Variants in MZT2B observed in about 807,000 individuals in gnomAD.
The protein encoded by MZT2B is mitotic-spindle organizing protein 2B.
A neutral mutation model predicts 12.1 loss-of-function variants in MZT2B; 11 were observed. That is an observed-to-expected ratio of 0.91 (90% CI 0.57 to 1.50). MZT2B has a LOEUF of 1.50. Among genes scored for constraint, MZT2B ranks in the 40% most tolerant of loss-of-function variants. The pLI is 0.00. For synonymous variants in MZT2B, 85 were observed against 109.5 expected (o/e 0.78, Z 1.40); for missense variants, 209 against 227.7 (o/e 0.92, Z 0.53).
the MZT2B span, chr2:130,198,364 G>A: frequency 2.7e-5 from 36 of 1,356,466 alleles, 10 homozygotes; most frequent in African/African-American, 2.8e-4. Context: ...TTACCATGGC[G>A]AACTCCGCTG....
the MZT2B span, among the ~76,000 whole-genome samples, chr2:130,199,490 C>T: frequency 2.0e-4 from 24 of 122,234 alleles, 8 homozygotes; most frequent in African/African-American, 5.9e-4. Context: ...GCAGAGGTTA[C>T]AGTGAGCTGA....
At position 130,182,354 on chromosome 2, in the gene MZT2B, G is replaced by A. The variant is rs1296290910; in HGVS notation, c.72G>A (p.Lys24=). The A allele has an allele frequency of 2.0e-6, 3 of 1,537,428 alleles. No homozygotes were observed. In the Admixed American group the frequency reaches 5.9e-5, roughly 30 times the overall value. Residue 24 remains lysine (K), a synonymous_variant, in exon 1 of 3, where the codon AAG becomes AAA. Transcript: ENST00000281871. Reference sequence around the variant, plus strand: ...CGGGGCTGGAGGCGGCCCGGCAGAAGCTGGCGCTGCGGCGGAAGAAGGTGC... The same window carrying A: ...CGGGGCTGGAGGCGGCCCGGCAGAAACTGGCGCTGCGGCGGAAGAAGGTGC... ...APPGLEAARQ[K]LALRRKKVLS...
chr2:130,198,437 A>C, the MZT2B span: 141 of 1,345,036 alleles, frequency 1.0e-4, 37 homozygotes, highest in East Asian at 3.7e-3. Flanking sequence ...GCCCAACTGC[A>C]ATGACCTGCC....
chr2:130,196,465 G>T, the MZT2B span: 3 of 1,502,076 alleles, frequency 2.0e-6, no homozygotes, highest in African/African-American at 2.8e-5. Flanking sequence ...TTTATATAGT[G>T]CTTCAGTATC....
At chr2:130,193,606 CA>C (rs34918027), downstream of MZT2B, among the ~76,000 whole-genome samples, 41,492 of 95,098 alleles carry the variant, frequency 0.44, 6,200 homozygotes, top group East Asian at 0.5. Flanking sequence ...AAGACTGTCT[CA>C]AAAAAAAAAA....
the MZT2B span, among the ~76,000 whole-genome samples, chr2:130,198,928 G>A: frequency 1.6e-5 from 2 of 124,090 alleles, 1 homozygote; most frequent in Non-Finnish European, 3.6e-5. Context: ...GGGAGAAAAC[G>A]GGCCGGGCGC....
At chr2:130,191,320 G>A (rs938696829), downstream of MZT2B, among the ~76,000 whole-genome samples, 4 of 152,086 alleles carry the variant, frequency 2.6e-5, no homozygotes, top group Non-Finnish European at 4.4e-5. Context: ...ACCTTCTGTG[G>A]GTCACGAATG....
chr2:130,194,925 G>A (rs1809107), downstream of MZT2B, among the ~76,000 whole-genome samples: 61,989 of 151,974 alleles, frequency 0.41, 12,838 homozygotes, highest in Admixed American at 0.48. Flanking sequence ...TAATCCACCT[G>A]CTTTAGCCTC....
the MZT2B span, among the ~76,000 whole-genome samples, chr2:130,202,939 C>T: frequency 6.6e-6 from 1 of 152,168 alleles, no homozygotes; most frequent in Non-Finnish European, 1.5e-5. Context: ...GGCTGATTCC[C>T]CCATAACTCC....
In MZT2B at chr2:130,183,619, C is replaced by T. The variant is rs543109871; in HGVS notation, c.319+844C>T. 3.0e-5 allele frequency: 35 copies of T among 1,171,494 alleles called. 1 individual carries two copies. The African/African-American group carries it at 3.8e-4, about 13-fold the overall frequency. 72.6% of individuals were successfully genotyped at this position (1,171,494 alleles called of 1,614,324 possible). On this transcript the variant is annotated intron_variant, in intron 2 of 2. Transcript: ENST00000281871. ...CCCTGCCTGGAAGCACGAGGAGACC[C>T]GCACAGGCATCCTGAGAAGGCGTGG...
chr2:130,185,084 C>T (rs1573761406), intron 2 of MZT2B, among the ~76,000 whole-genome samples: 3 of 152,096 alleles, frequency 2.0e-5, no homozygotes, highest in Admixed American at 6.5e-5. Context: ...CCGAGGCGGG[C>T]GGATCTCGAG....
upstream of MZT2B, chr2:130,181,808 C>T (rs192840659): frequency 2.4e-3 from 3,748 of 1,546,024 alleles, 24 homozygotes; most frequent in Middle Eastern, 0.03. Flanking sequence ...GTACTTTCTC[C>T]CCAGCAAGGA....
chr2:130,196,303 G>A, the MZT2B span: 1 of 1,614,108 alleles, frequency 6.2e-7, no homozygotes, highest in Non-Finnish European at 8.5e-7. Flanking sequence ...GTTCAAGGCA[G>A]TACAGTTCCC....
upstream of MZT2B, chr2:130,182,076 G>A (rs1009910925): frequency 7.4e-5 from 100 of 1,349,172 alleles, 1 homozygote; most frequent in Non-Finnish European, 4.8e-5. Flanking sequence ...GCCACTCCCG[G>A]CTCCTAGAGC....
downstream of MZT2B, chr2:130,194,165 T>C: frequency 1.9e-6 from 3 of 1,613,604 alleles, no homozygotes; most frequent in African/African-American, 1.3e-5. Flanking sequence ...GCGATTGAGG[T>C]TGGTGTACGT....
the MZT2B span, chr2:130,196,331 T>A: frequency 6.2e-7 from 1 of 1,614,076 alleles, no homozygotes; most frequent in Non-Finnish European, 8.5e-7. Context: ...ATTGCCGATC[T>A]GGACACCCGC....
chr2:130,188,360 G>A (rs1391282770), intron 2 of MZT2B: 1 of 167,170 alleles, frequency 6.0e-6, no homozygotes, highest in Non-Finnish European at 1.5e-5. Flanking sequence ...GGCCCAGTGT[G>A]GGAGCTGCTG....
chr2:130,194,160 T>C (rs1690345815), downstream of MZT2B: 1 of 1,613,700 alleles, frequency 6.2e-7, no homozygotes, highest in Non-Finnish European at 8.5e-7. Context: ...ATCAGGCGAT[T>C]GAGGTTGGTG....
downstream of MZT2B, chr2:130,194,564 T>C (rs1031539124): frequency 8.6e-6 from 11 of 1,276,644 alleles, no homozygotes; most frequent in African/African-American, 1.6e-4. Flanking sequence ...AAAGAGTTGA[T>C]ATGGATTCAA....
Sources: allele counts gnomAD v4.1 joint callset (sites outside exome capture counted in the v4.1 genomes callset), GRCh38; gene constraint gnomAD v4.1.1; transcripts MANE v1.5; gene names NCBI Gene and HGNC (gene_info 2026-07-23, HGNC 2026-07-21).